KLHL29: variants seen among roughly 807,000 people sequenced by gnomAD.
KLHL29 encodes kelch-like protein 29.
KLHL29 carries 21 observed loss-of-function variants against 80.4 expected under a neutral mutation model. That is an observed-to-expected ratio of 0.26 (90% CI 0.19 to 0.38). The LOEUF is 0.38. Ranked by LOEUF, KLHL29 falls within the 10% of genes least tolerant of loss-of-function variation. KLHL29 has a pLI of 1.00. For missense variants in KLHL29, 867 were observed against 1,223.9 expected (o/e 0.71, Z 4.35); for synonymous variants, 511 against 526.8 (o/e 0.97, Z 0.41).
rs577747638 is a variant in KLHL29, at chr2:23,527,596, C to T, written c.-45-34556C>T. On this transcript the variant is annotated intron_variant, in intron 2 of 13. Coordinates refer to ENST00000486442, the MANE Select transcript of KLHL29 (RefSeq NM_052920.2). ...CCGGGCACAGAGCTAGAGCCTTTCTCAGCGAAGAGTCGGCTTGGTCTTGAC... is the reference window on the plus strand; with the variant it reads ...CCGGGCACAGAGCTAGAGCCTTTCTTAGCGAAGAGTCGGCTTGGTCTTGAC... 5.3e-5 allele frequency among the ~76,000 whole-genome samples: 8 copies of T among 152,356 alleles called. No individual in the cohort carries two copies. The South Asian group carries it at 1.2e-3, about 24-fold the overall frequency.
At chr2:23,659,088 A>T (rs1670330107) in intron 5 of KLHL29, among the ~76,000 whole-genome samples, 1 of 152,156 alleles carries the variant, frequency 6.6e-6, no homozygotes, top group South Asian at 2.1e-4. Context: ...TGACCGATTT[A>T]GCAACTGTGG....
At chr2:23,617,079 A>G (rs1293978274) in intron 3 of KLHL29, 1 of 152,130 alleles carries the variant, frequency 6.6e-6, no homozygotes, top group East Asian at 1.9e-4. Context: ...GAAACCTTTC[A>G]CTGTTCTGAA....
At chr2:23,603,072 G>A (rs1668612550) in intron 3 of KLHL29, among the ~76,000 whole-genome samples, 1 of 152,202 alleles carries the variant, frequency 6.6e-6, no homozygotes, top group African/African-American at 2.4e-5. Flanking sequence ...GGTGAGGTCA[G>A]GACAATGCCT....
At chr2:23,401,885 A>T (rs2577747) in intron 1 of KLHL29, among the ~76,000 whole-genome samples, 1 of 152,176 alleles carries the variant, frequency 6.6e-6, no homozygotes, top group African/African-American at 2.4e-5. Context: ...GCCTGATGCA[A>T]GTTCTCGAGG....
chr2:23,562,726 A>G lies in KLHL29; in HGVS notation c.285+245A>G, dbSNP rs1667483543. On this transcript the variant is annotated intron_variant, in intron 3 of 13. Coordinates refer to ENST00000486442, the MANE Select transcript of KLHL29 (RefSeq NM_052920.2). The surrounding 1 kb of genome is among the most constrained non-coding windows in gnomAD (Gnocchi z 4.5). Reference sequence around the variant, plus strand: ...AGACAAGCAGGTGCTGAGGCCACTCATTGTCCTATGCCATGTTGATTAGAT... The same window carrying G: ...AGACAAGCAGGTGCTGAGGCCACTCGTTGTCCTATGCCATGTTGATTAGAT... Among the ~76,000 whole-genome samples, 2 of 152,214 alleles carry G rather than the reference A, an allele frequency of 1.3e-5. No homozygotes were observed. The highest frequency in any genetic ancestry group is 4.8e-5 in the African/African-American group (2 of 41,440).
intron 5 of KLHL29, among the ~76,000 whole-genome samples, chr2:23,676,978 G>A (rs1041974674): frequency 8.5e-5 from 13 of 152,166 alleles, no homozygotes; most frequent in South Asian, 4.1e-4. Flanking sequence ...TCTCCCAGTC[G>A]CACTACCCAC....
At chr2:23,570,999 G>C (rs1250686350) in intron 3 of KLHL29, among the ~76,000 whole-genome samples, 1 of 152,138 alleles carries the variant, frequency 6.6e-6, no homozygotes, top group Non-Finnish European at 1.5e-5. Flanking sequence ...TCCAGCATTC[G>C]GGCCAGCCCT....
intron 3 of KLHL29, among the ~76,000 whole-genome samples, chr2:23,606,173 TGAGA>T (rs72210004): frequency 2.5e-5 from 2 of 80,552 alleles, no homozygotes; most frequent in Non-Finnish European, 4.9e-5. Flanking sequence ...TGTGTGTGCG[TGAGA>T]GAGAGAGAGA....
chr2:23,670,966 CTCTCTCTCTCTCT>C lies in KLHL29; in HGVS notation c.941-13432_941-13420del, dbSNP rs1670715915. On this transcript the variant is annotated intron_variant, in intron 5 of 13. Transcript: ENST00000486442. Reference sequence around the variant, plus strand: ...TCTCTCTCTCTCTCTCTCTCTCTCTCTCTCTCTCTCTCTCCCTCCCTCCCTCCCTCCCTCCCCC... The same window carrying C: ...TCTCTCTCTCTCTCTCTCTCTCTCTCCCCTCCCTCCCTCCCTCCCTCCCCC... Among the ~76,000 whole-genome samples, 11 of 24,296 alleles carry C rather than the reference CTCTCTCTCTCTCT, an allele frequency of 4.5e-4. 1 individual carries two copies. Among genetic ancestry groups the C allele is most frequent in the Admixed American group, 1.5e-3 (3 of 2,026 alleles). 15.9% of individuals were successfully genotyped at this position (24,296 alleles called of 152,430 possible).
chr2:23,499,018 A>G (rs771271389), intron 2 of KLHL29, among the ~76,000 whole-genome samples: 1 of 152,220 alleles, frequency 6.6e-6, no homozygotes, highest in Non-Finnish European at 1.5e-5. Context: ...TTTCGTGGCC[A>G]TAAGAATTGT....
At chr2:23,560,527 C>A (rs1181177240) in intron 2 of KLHL29, among the ~76,000 whole-genome samples, 1 of 152,098 alleles carries the variant, frequency 6.6e-6, no homozygotes, top group East Asian at 1.9e-4. Context: ...CCTTGGCCTC[C>A]CAAAGTGCTA....
intron 2 of KLHL29, chr2:23,532,557 A>G (rs1378887378): frequency 2.2e-6 from 1 of 456,556 alleles, no homozygotes; most frequent in African/African-American, 2.0e-5. Context: ...TTAAAATCTC[A>G]CTTTCACTTT....
Position 23,695,493 on chromosome 2 carries a change from G to A in KLHL29, c.1543-130G>A, listed in dbSNP as rs1671895128. ...CTTCACCTCTGTCTAGGCTAGCAGA[G>A]TATCTACACTCCCAAGCCTAACACA... On this transcript the variant is annotated intron_variant, in intron 8 of 13. Coordinates refer to ENST00000486442, the MANE Select transcript of KLHL29 (RefSeq NM_052920.2). The surrounding 1 kb of genome is among the most constrained non-coding windows in gnomAD (Gnocchi z 7.6). 1 of 686,524 alleles carries A rather than the reference G, an allele frequency of 1.5e-6. No homozygotes were observed. Among genetic ancestry groups the A allele is most frequent in the Non-Finnish European group, 2.4e-6 (1 of 414,366 alleles). 42.5% of individuals were successfully genotyped at this position (686,524 alleles called of 1,614,324 possible). A position where few individuals can be genotyped will look rare whatever the true frequency, so the allele number is the denominator to read the frequency against.
At chr2:23,644,453 G>A (rs755872917) in intron 5 of KLHL29, among the ~76,000 whole-genome samples, 3 of 152,188 alleles carry the variant, frequency 2.0e-5, no homozygotes, top group South Asian at 2.1e-4. Context: ...GGCTTGCCAC[G>A]TTCCAGGCAC....
chr2:23,456,507 C>A (rs1558344850), intron 1 of KLHL29, among the ~76,000 whole-genome samples: 1 of 152,248 alleles, frequency 6.6e-6, no homozygotes, highest in Non-Finnish European at 1.5e-5. Flanking sequence ...CACAAAATAT[C>A]CGAGAACTAA....
chr2:23,680,646 G>A lies in KLHL29; in HGVS notation c.941-3753G>A, dbSNP rs1323657288. Among the ~76,000 whole-genome samples, 1 of 151,942 alleles carries A rather than the reference G, an allele frequency of 6.6e-6. No homozygotes were observed. Among genetic ancestry groups the A allele is most frequent in the African/African-American group, 2.4e-5 (1 of 41,360 alleles). ...GGCTCTCTAGGCCATCTTCTCCTGG[G>A]GTCTCTAGGCCATCTTCTCCTGGGC... On this transcript the variant is annotated intron_variant, in intron 5 of 13. Transcript: ENST00000486442. The surrounding 1 kb of genome is among the most constrained non-coding windows in gnomAD (Gnocchi z 4.1).
intron 1 of KLHL29, among the ~76,000 whole-genome samples, chr2:23,394,910 C>T (rs1014096536): frequency 1.3e-5 from 2 of 152,098 alleles, no homozygotes; most frequent in Non-Finnish European, 2.9e-5. Context: ...TTTGGATCTA[C>T]GAAGATTAAA....
chr2:23,696,628 C>T lies in KLHL29; in HGVS notation c.2105+115C>T. On this transcript the variant is annotated intron_variant, in intron 11 of 13. Coordinates refer to ENST00000486442, the MANE Select transcript of KLHL29 (RefSeq NM_052920.2). The surrounding 1 kb of genome is among the most constrained non-coding windows in gnomAD (Gnocchi z 5.5). ...AGTGGCGATGGAGCAGAGCCTGGAC[C>T]ATTCATATGGGCAGTCATCCCAGGC... The T allele has an allele frequency of 1.2e-6, 1 of 803,264 alleles. No homozygotes were observed. Among genetic ancestry groups the T allele is most frequent in the Middle Eastern group, 3.8e-4 (1 of 2,628 alleles). The allele number at this position is 803,264 out of a possible 1,614,324, so 49.8% of individuals were successfully genotyped here. A position where few individuals can be genotyped will look rare whatever the true frequency, so the allele number is the denominator to read the frequency against.
chr2:23,681,736 G>A lies in KLHL29; in HGVS notation c.941-2663G>A, dbSNP rs933489230. Among the ~76,000 whole-genome samples, 3 of 152,172 alleles carry A rather than the reference G, an allele frequency of 2.0e-5. No homozygotes were observed. The highest frequency in any genetic ancestry group is 7.2e-5 in the African/African-American group (3 of 41,440). ...TGCTGGAACAAGAACCAGGATCCAGGTCTTCAGAATCCCAGCCCAGAATTC... is the reference window on the plus strand; with the variant it reads ...TGCTGGAACAAGAACCAGGATCCAGATCTTCAGAATCCCAGCCCAGAATTC... On this transcript the variant is annotated intron_variant, in intron 5 of 13. Coordinates refer to ENST00000486442, the MANE Select transcript of KLHL29 (RefSeq NM_052920.2). The surrounding 1 kb of genome is among the most constrained non-coding windows in gnomAD (Gnocchi z 4.2).
Sources: allele counts gnomAD v4.1 joint callset (sites outside exome capture counted in the v4.1 genomes callset), GRCh38; gene constraint gnomAD v4.1.1; non-coding constraint Gnocchi (gnomAD v3.1); transcripts MANE v1.5; gene names NCBI Gene and HGNC (gene_info 2026-07-23, HGNC 2026-07-21).